The following RBFOX1 variants were observed in gnomAD, a reference collection of about 807,000 sequenced individuals.
The protein encoded by RBFOX1 is RNA binding fox-1 homolog 1.
In RBFOX1, 8 loss-of-function variants were observed where a neutral mutation model predicts 57.7. That is an observed-to-expected ratio of 0.14 (90% CI 0.08 to 0.25). RBFOX1 has a LOEUF of 0.25. Among genes scored for constraint, RBFOX1 ranks in the 10% least tolerant of loss-of-function variants. The pLI, the probability that RBFOX1 is intolerant of heterozygous loss-of-function variation, is 1.00. For synonymous variants in RBFOX1, 326 were observed against 222.4 expected, an observed-to-expected ratio of 1.47 and a Z score of -4.15; for missense variants, 611 against 548.5, an observed-to-expected ratio of 1.11 and a Z score of -1.14.
chr16:5,999,586 G>T (rs1043292644), intron 4 of RBFOX1, among the ~76,000 whole-genome samples: 2 of 152,224 alleles, frequency 1.3e-5, no homozygotes, highest in African/African-American at 4.8e-5. Flanking sequence ...GTGCGGCTGG[G>T]CTTGGTGGCT....
At chr16:7,252,549 A>T (rs2094533308) in intron 4 of RBFOX1, among the ~76,000 whole-genome samples, 1 of 152,226 alleles carries the variant, frequency 6.6e-6, no homozygotes, top group Admixed American at 6.5e-5. Context: ...GATCTGACAA[A>T]GCTTGTCCAT....
chr16:7,388,874 A>C (rs541530152), intron 4 of RBFOX1, among the ~76,000 whole-genome samples: 1 of 152,192 alleles, frequency 6.6e-6, no homozygotes, highest in East Asian at 1.9e-4. Context: ...TATGGAATGC[A>C]ATTTTGATAG....
At chr16:6,495,359 T>C (rs921953572) in intron 2 of RBFOX1, among the ~76,000 whole-genome samples, 6 of 152,078 alleles carry the variant, frequency 3.9e-5, no homozygotes, top group African/African-American at 1.2e-4. Flanking sequence ...CCTCAGGTGA[T>C]CCACCGCCCC....
intron 3 of RBFOX1, among the ~76,000 whole-genome samples, chr16:7,040,002 T>TTTATTA (rs34770685): frequency 0.027 from 3,972 of 148,680 alleles, 79 homozygotes; most frequent in Non-Finnish European, 0.039. Context: ...GGGGAGTTAT[T>TTTATTA]TTATTATTAT....
intron 3 of RBFOX1, among the ~76,000 whole-genome samples, chr16:7,048,490 ACCTC>A (rs1287558761): frequency 0.039 from 5,950 of 151,054 alleles, 395 homozygotes; most frequent in African/African-American, 0.14. Flanking sequence ...CGATCTCCTG[ACCTC>A]ATGATCCACC....
intron 2 of RBFOX1, among the ~76,000 whole-genome samples, chr16:6,435,922 A>G (rs1033511495): frequency 1.3e-5 from 2 of 152,144 alleles, no homozygotes; most frequent in African/African-American, 4.8e-5. Flanking sequence ...CTTCTGTTGC[A>G]TCGTTTTCCC....
chr16:5,794,955 C>G (rs564437739), intron 3 of RBFOX1, among the ~76,000 whole-genome samples: 15 of 152,308 alleles, frequency 9.8e-5, no homozygotes, highest in African/African-American at 3.4e-4. Context: ...CACACCCACT[C>G]TCATCTCACT....
At chr16:6,856,001 C>G (rs1196383509) in intron 3 of RBFOX1, among the ~76,000 whole-genome samples, 1 of 152,082 alleles carries the variant, frequency 6.6e-6, no homozygotes, top group Non-Finnish European at 1.5e-5. Context: ...ATTGATCCTC[C>G]ATCTTCCCTT....
chr16:6,705,321 C>G (rs1230054170), intron 3 of RBFOX1: 1 of 151,868 alleles, frequency 6.6e-6, no homozygotes, highest in African/African-American at 2.4e-5. Flanking sequence ...GGGAAGAAGT[C>G]TAGAGCGATC....
chr16:5,679,387 C>G (rs1033152316), intron 3 of RBFOX1, among the ~76,000 whole-genome samples: 2 of 151,400 alleles, frequency 1.3e-5, no homozygotes, highest in Admixed American at 6.6e-5. Context: ...ACAGAATGTA[C>G]AGGTTTGTTA....
At chr16:6,364,198 A>G (rs2243923) in intron 2 of RBFOX1, among the ~76,000 whole-genome samples, 121,064 of 152,188 alleles carry the variant, frequency 0.8, 49,177 homozygotes, top group African/African-American at 0.95. Context: ...TTCAAATTGC[A>G]TGCTTCGAAG....
At chr16:6,930,479 G>A (rs574444229) in intron 3 of RBFOX1, among the ~76,000 whole-genome samples, 4 of 151,760 alleles carry the variant, frequency 2.6e-5, no homozygotes, top group East Asian at 2.0e-4. Flanking sequence ...GTGTGATCTC[G>A]GCTCACTACA....
intron 4 of RBFOX1, among the ~76,000 whole-genome samples, chr16:6,008,646 C>T (rs1052355693): frequency 6.6e-6 from 1 of 152,030 alleles, no homozygotes; most frequent in Non-Finnish European, 1.5e-5. Flanking sequence ...GAAGATGGAG[C>T]AGAGGGAAGG....
At chr16:7,241,876 ATATACT>A (rs1417205993) in intron 4 of RBFOX1, among the ~76,000 whole-genome samples, 2 of 152,236 alleles carry the variant, frequency 1.3e-5, no homozygotes, top group Admixed American at 6.5e-5. Flanking sequence ...ATGCATATAA[ATATACT>A]TATATGTGAT....
intron 7 of RBFOX1, 58 bp from the exon 8 acceptor site, chr16:7,595,491 G>T: frequency 7.6e-7 from 1 of 1,317,214 alleles, no homozygotes; most frequent in Non-Finnish European, 1.0e-6. Context: ...ATTACCAAGT[G>T]GTCGTTGACT....
intron 1 of RBFOX1, among the ~76,000 whole-genome samples, chr16:6,125,367 A>G (rs943032247): frequency 5.3e-5 from 8 of 152,144 alleles, no homozygotes; most frequent in African/African-American, 1.4e-4. Context: ...AGGAAAAGCA[A>G]TAGAATAGGT....
chr16:5,700,203 A>G (rs530115465), intron 3 of RBFOX1, among the ~76,000 whole-genome samples: 1 of 152,342 alleles, frequency 6.6e-6, no homozygotes, highest in Admixed American at 6.5e-5. Flanking sequence ...TCAGCATTTA[A>G]AAAGAATGCA....
chr16:5,599,416 A>G (rs1190392477), exon 3 of RBFOX1: 4 of 572,892 alleles, frequency 7.0e-6, no homozygotes, highest in Non-Finnish European at 3.1e-6. Flanking sequence ...TCACTGGGGT[A>G]CATAACCTGG....
chr16:5,814,649 C>A (rs1270227590), intron 3 of RBFOX1, among the ~76,000 whole-genome samples: 1 of 152,230 alleles, frequency 6.6e-6, no homozygotes, highest in African/African-American at 2.4e-5. Flanking sequence ...TTATTCCTGG[C>A]CGGGCGCGGT....
Sources: allele counts gnomAD v4.1 joint callset (sites outside exome capture counted in the v4.1 genomes callset), GRCh38; gene constraint gnomAD v4.1.1; transcripts MANE v1.5; gene names NCBI Gene and HGNC (gene_info 2026-07-23, HGNC 2026-07-21).